DOCK1: variants seen among roughly 807,000 people sequenced by gnomAD.
DOCK1 encodes dedicator of cytokinesis 1.
In DOCK1, 138 loss-of-function variants were observed where a neutral mutation model predicts 262.7. The observed-to-expected ratio is 0.53, with a 90% CI of 0.46 to 0.61. DOCK1 has a LOEUF of 0.61. Ranked by LOEUF, DOCK1 falls within the 20% of genes least tolerant of loss-of-function variation. DOCK1 has a pLI of 0.00. For synonymous variants in DOCK1, 866 were observed against 867.4 expected (o/e 1.00, Z 0.03); for missense variants, 1,908 against 2,370.7 (o/e 0.80, Z 4.05).
chr10:127,178,960 C>G (rs2055451499), intron 27 of DOCK1, among the ~76,000 whole-genome samples: 1 of 152,140 alleles, frequency 6.6e-6, no homozygotes, highest in African/African-American at 2.4e-5. Flanking sequence ...ACTCTGATCT[C>G]CTATTCATTC....
At chr10:127,324,273 G>A (rs941896394) in intron 29 of DOCK1, among the ~76,000 whole-genome samples, 1 of 152,180 alleles carries the variant, frequency 6.6e-6, no homozygotes. Flanking sequence ...ACGTCTCCTG[G>A]GAAACATGAA....
chr10:127,113,524 A>G (rs1402951731), intron 25 of DOCK1, among the ~76,000 whole-genome samples: 1 of 152,216 alleles, frequency 6.6e-6, no homozygotes, highest in Non-Finnish European at 1.5e-5. Flanking sequence ...GAATTCTGAA[A>G]CTGGTGTTGT....
At chr10:127,314,132 A>G (rs2062171843) in intron 29 of DOCK1, among the ~76,000 whole-genome samples, 1 of 152,212 alleles carries the variant, frequency 6.6e-6, no homozygotes, top group Non-Finnish European at 1.5e-5. Flanking sequence ...TGCTCATGGC[A>G]TGACTTTCCT....
chr10:127,048,572 A>G (rs2044499191), intron 21 of DOCK1, among the ~76,000 whole-genome samples: 1 of 152,216 alleles, frequency 6.6e-6, no homozygotes, highest in Non-Finnish European at 1.5e-5. Flanking sequence ...TGGCTAAACA[A>G]TCTTTGCCTA....
chr10:127,007,918 G>A (rs538087886), intron 10 of DOCK1, among the ~76,000 whole-genome samples: 1 of 152,248 alleles, frequency 6.6e-6, no homozygotes, highest in East Asian at 1.9e-4. Context: ...CATGTGGTGG[G>A]TGCTTGGTAA....
At chr10:126,942,965 CAAACAA>C (rs2035133594) in intron 1 of DOCK1, among the ~76,000 whole-genome samples, 1 of 151,880 alleles carries the variant, frequency 6.6e-6, no homozygotes, top group Non-Finnish European at 1.5e-5. Context: ...TCATTAAAAA[CAAACAA>C]ATAGGCCGGA....
At position 127,108,535 on chromosome 10, in the gene DOCK1, T is replaced by G. The variant is rs572258271; in HGVS notation, c.2517-1713T>G. 2.0e-5 allele frequency among the ~76,000 whole-genome samples: 3 copies of G among 152,256 alleles called. No individual in the cohort carries two copies. In the South Asian group the frequency reaches 6.2e-4, roughly 32 times the overall value. On this transcript the variant is annotated intron_variant, in intron 24 of 51. Transcript: ENST00000623213. Reference sequence around the variant, plus strand: ...CCAGAGGCAGAAATTGCAGTGAGCCTGGATCGCGGCATTGTACTCCAGCCT... The same window carrying G: ...CCAGAGGCAGAAATTGCAGTGAGCCGGGATCGCGGCATTGTACTCCAGCCT...
At chr10:127,082,828 T>C (rs747950022) in intron 23 of DOCK1, among the ~76,000 whole-genome samples, 8 of 152,162 alleles carry the variant, frequency 5.3e-5, no homozygotes, top group Non-Finnish European at 1.2e-4. Context: ...TCACACTCCC[T>C]TGGCTCCCTT....
At chr10:127,028,570 C>G (rs1017595008) in intron 16 of DOCK1, among the ~76,000 whole-genome samples, 1 of 152,130 alleles carries the variant, frequency 6.6e-6, no homozygotes, top group African/African-American at 2.4e-5. Flanking sequence ...TCCTTGTGCC[C>G]GAGCCTTATG....
At chr10:127,389,925 A>T (rs1187564158) in intron 38 of DOCK1, among the ~76,000 whole-genome samples, 9 of 151,870 alleles carry the variant, frequency 5.9e-5, no homozygotes, top group Non-Finnish European at 1.3e-4. Flanking sequence ...GAGGCATGAG[A>T]ATCGCTTGAA....
At chr10:127,419,338 G>T (rs957539116) in intron 45 of DOCK1, among the ~76,000 whole-genome samples, 19 of 152,128 alleles carry the variant, frequency 1.2e-4, no homozygotes, top group Admixed American at 2.6e-4. Flanking sequence ...GCAGGGGCTA[G>T]GCAGGAGGCA....
chr10:127,325,343 G>T (rs962486736), intron 29 of DOCK1, among the ~76,000 whole-genome samples: 2 of 152,174 alleles, frequency 1.3e-5, no homozygotes, highest in Non-Finnish European at 2.9e-5. Context: ...GTTATTTGCA[G>T]ACTTCCTAAG....
chr10:127,381,068 A>G (rs1227526635), intron 36 of DOCK1, among the ~76,000 whole-genome samples: 4 of 152,206 alleles, frequency 2.6e-5, no homozygotes, highest in Non-Finnish European at 5.9e-5. Context: ...TTGAAGGAAA[A>G]TTCTACCTTT....
chr10:127,380,032 C>A, intron 35 of DOCK1, 50 bp from the exon 36 acceptor site: 1 of 1,270,346 alleles, frequency 7.9e-7, no homozygotes, highest in Non-Finnish European at 1.1e-6. Flanking sequence ...GCATGTGATA[C>A]CTTTTGTGGA....
chr10:127,179,741 C>T (rs2055544293), intron 27 of DOCK1, among the ~76,000 whole-genome samples: 2 of 152,188 alleles, frequency 1.3e-5, no homozygotes, highest in African/African-American at 2.4e-5. Context: ...ACAAGTGGAA[C>T]CTTCTCCCAC....
In DOCK1 at chr10:127,061,765, G is replaced by A. The variant is rs749808299; in HGVS notation, c.2434G>A (p.Val812Ile). 6 of 1,585,798 alleles carry A rather than the reference G, an allele frequency of 3.8e-6. No individual in the cohort carries two copies. The highest frequency in any genetic ancestry group is 5.1e-6 in the Non-Finnish European group (6 of 1,165,804). ...DMMSSMSDQT[V>I]RVKGAALKYL... The stretch of plus-strand genomic sequence containing the variant: ...GATGAGCAGCATGTCAGACCAGACC[G>A]TCCGGGTGAAGGTGAGTGCCGGCCA... Residue 812 changes from valine to isoleucine, a missense_variant, in exon 23 of 52, where the codon GTC becomes ATC. Around this residue, in one of 9 missense-constraint regions of DOCK1, gnomAD observed 518 missense variants for 575.1 expected, o/e 0.90. Transcript: ENST00000623213.
intron 1 of DOCK1, among the ~76,000 whole-genome samples, chr10:126,935,537 G>A (rs2034505852): frequency 6.6e-6 from 1 of 152,216 alleles, no homozygotes; most frequent in Non-Finnish European, 1.5e-5. Context: ...ACATCCTTGA[G>A]CTGTCAGAGA....
chr10:127,428,623 TG>T (rs2068992142), intron 47 of DOCK1, among the ~76,000 whole-genome samples: 1 of 147,784 alleles, frequency 6.8e-6, no homozygotes, highest in Admixed American at 6.8e-5. Context: ...CCATGTGGAT[TG>T]GGGTGTCATG....
intron 46 of DOCK1, among the ~76,000 whole-genome samples, chr10:127,420,896 A>AGTTT (rs111799630): frequency 0.045 from 5,230 of 117,264 alleles, 154 homozygotes; most frequent in African/African-American, 0.1. Context: ...CACCGTGAGC[A>AGTTT]GTTTATTTGT....
Sources: gnomAD v4.1 joint callset for allele counts (sites outside exome capture counted in the v4.1 genomes callset) on GRCh38, gnomAD v4.1.1 for gene constraint, gnomAD v4.1.1 regional missense constraint, MANE v1.5 for transcripts, NCBI Gene and HGNC (gene_info 2026-07-23, HGNC 2026-07-21) for gene names.